CAMKK2: variants seen among roughly 807,000 people sequenced by gnomAD.
CAMKK2 encodes calcium/calmodulin-dependent protein kinase kinase 2.
In CAMKK2, 30 loss-of-function variants were observed where a neutral mutation model predicts 67.2. The ratio of observed to expected loss-of-function variants is 0.45; its 90% CI spans 0.33 to 0.61. CAMKK2 has a LOEUF of 0.61. Ranked by LOEUF, CAMKK2 falls within the 20% of genes least tolerant of loss-of-function variation. CAMKK2 has a pLI of 0.02. For missense variants in CAMKK2, 643 were observed against 802.0 expected, an observed-to-expected ratio of 0.80 and a Z score of 2.39; for synonymous variants, 322 against 326.2, an observed-to-expected ratio of 0.99 and a Z score of 0.14.
intron 6 of CAMKK2, among the ~76,000 whole-genome samples, chr12:121,262,901 T>A (rs933744666): frequency 6.6e-6 from 1 of 152,174 alleles, no homozygotes; most frequent in Non-Finnish European, 1.5e-5. Context: ...TTCTCAGTTT[T>A]AAATTATAAT....
At position 121,253,374 on chromosome 12, in the gene CAMKK2, C is replaced by T; in HGVS notation, c.1006G>A (p.Glu336Lys). The change falls in exon 10 of 17, where the codon GAA becomes AAA. Residue 336 changes from glutamate to lysine, a missense_variant. Physicochemically the swap from Glu to Lys is moderately conservative, Grantham distance 56. Transcript: ENST00000404169. This position sits in a 1 kb window ranked among gnomAD's most constrained non-coding sequence, Gnocchi z 5.0. Reference sequence around the variant, plus strand: ...AGGAGCGCGTCACTGCCCTTGAATTCATTGCTCACACCAAAGTCAGCGATC... The same window carrying T: ...AGGAGCGCGTCACTGCCCTTGAATTTATTGCTCACACCAAAGTCAGCGATC... ...IKIADFGVSN[E>K]FKGSDALLSN... is the part of the protein sequence containing the mutation. 2 of 1,614,164 alleles carry T rather than the reference C, an allele frequency of 1.2e-6. No individual in the cohort carries two copies. Among genetic ancestry groups the T allele is most frequent in the Non-Finnish European group, 1.7e-6 (2 of 1,180,040 alleles).
intron 16 of CAMKK2, among the ~76,000 whole-genome samples, chr12:121,242,977 C>T (rs1281345339): frequency 1.3e-5 from 2 of 151,922 alleles, no homozygotes; most frequent in Non-Finnish European, 2.9e-5. Flanking sequence ...CTCCTGACCT[C>T]GTCATTCGCC....
intron 7 of CAMKK2, among the ~76,000 whole-genome samples, chr12:121,257,966 G>A (rs1892680705): frequency 6.6e-6 from 1 of 152,082 alleles, no homozygotes; most frequent in African/African-American, 2.4e-5. Context: ...CCACTTTTGG[G>A]GCTGAGCAGT....
intron 1 of CAMKK2, among the ~76,000 whole-genome samples, chr12:121,289,833 C>T (rs1388708292): frequency 6.9e-6 from 1 of 143,944 alleles, no homozygotes; most frequent in African/African-American, 2.6e-5. Flanking sequence ...GCAGAGGTTG[C>T]GGTGAGCTGA....
At chr12:121,243,590 G>C (rs1566030143) in intron 16 of CAMKK2, 1 of 155,266 alleles carries the variant, frequency 6.4e-6, no homozygotes, top group African/African-American at 2.4e-5. Flanking sequence ...AGGCCACGTA[G>C]TGTATGACGC....
chr12:121,297,549 C>G (rs199714883), upstream of CAMKK2: 534 of 510,838 alleles, frequency 1.0e-3, 3 homozygotes, highest in South Asian at 2.4e-3. Context: ...TTTGCTGGAG[C>G]CTTAAGTGTG....
In CAMKK2 at chr12:121,245,129, C is replaced by T; in HGVS notation, c.1553+11G>A. 3.8e-6 allele frequency: 6 copies of T among 1,570,310 alleles called. No homozygotes were observed. The highest frequency in any genetic ancestry group is 4.3e-6 in the Non-Finnish European group (5 of 1,152,488). On this transcript the variant is annotated intron_variant, in intron 15 of 16. Coordinates refer to ENST00000404169, the MANE Select transcript of CAMKK2 (RefSeq NM_001270485.2). The surrounding 1 kb of genome is among the most constrained non-coding windows in gnomAD (Gnocchi z 5.8). ...CCACTCCCCCACCCAAGAAGGCAGG[C>T]GGCCACTCACGTGAGCAAGTTTCCA...
chr12:121,242,410 G>A (rs1452885600), intron 16 of CAMKK2, among the ~76,000 whole-genome samples: 1 of 152,144 alleles, frequency 6.6e-6, no homozygotes, highest in Non-Finnish European at 1.5e-5. Flanking sequence ...GACTTGCTCA[G>A]AGACAGGAGG....
At position 121,274,184 on chromosome 12, in the gene CAMKK2, G is replaced by C; in HGVS notation, c.343C>G (p.Leu115Val). The change falls in exon 2 of 17, where the codon CTG becomes GTG. Residue 115 changes from leucine (L) to valine (V), a missense_variant. Leu to Val is a conservative substitution (Grantham distance 32). Transcript: ENST00000404169. Reference sequence around the variant, plus strand: ...CAGATGCAGCGTCCGTTCATGTCCAGGCTGCCACCGGCTGCCAGCCCACCC... The same window carrying C: ...CAGATGCAGCGTCCGTTCATGTCCACGCTGCCACCGGCTGCCAGCCCACCC... ...SQGGLAAGGS[L>V]DMNGRCICPS... 6.2e-7 allele frequency: 1 copy of C among 1,600,096 alleles called. No homozygotes were observed. The highest frequency in any genetic ancestry group is 8.5e-7 in the Non-Finnish European group (1 of 1,171,606).
At chr12:121,243,806 A>C in intron 16 of CAMKK2, 1 of 1,093,176 alleles carries the variant, frequency 9.1e-7, no homozygotes, top group Non-Finnish European at 1.2e-6. Flanking sequence ...ATTACATGGT[A>C]TGTGAATTGT....
chr12:121,264,776 A>AAATAATAATAAT lies in CAMKK2; in HGVS notation c.626-849_626-838dup, dbSNP rs57906202. ...GTGACACAGCAAGACTCAGTCTCAA[A>AAATAATAATAAT]AATAATAATAATAATAATAATAATA... is the stretch of plus-strand genomic sequence containing the variant. On this transcript the variant is annotated intron_variant, in intron 5 of 16. Transcript: ENST00000404169. Among the ~76,000 whole-genome samples the AAATAATAATAAT allele has an allele frequency of 9.8e-3, 1,369 of 139,944 alleles. 13 individuals carry two copies. The highest frequency in any genetic ancestry group is 0.04 in the Middle Eastern group (11 of 276). The allele number at this position is 139,944 out of a possible 152,430, so 91.8% of individuals were successfully genotyped here.
Position 121,253,725 on chromosome 12 carries a change from A to G in CAMKK2, c.908-253T>C, listed in dbSNP as rs1159033456. Reference sequence around the variant, plus strand: ...CACCCCTTCTCAACAATGACACATAAAACACTGCCAATAGCAATTCGTAAT... The same window carrying G: ...CACCCCTTCTCAACAATGACACATAGAACACTGCCAATAGCAATTCGTAAT... On this transcript the variant is annotated intron_variant, in intron 9 of 16. Transcript: ENST00000404169. The surrounding 1 kb of genome is among the most constrained non-coding windows in gnomAD (Gnocchi z 5.0). Among the ~76,000 whole-genome samples, 2 of 152,214 alleles carry G rather than the reference A, an allele frequency of 1.3e-5. No homozygotes were observed. Among genetic ancestry groups the G allele is most frequent in the Non-Finnish European group, 1.5e-5 (1 of 68,040 alleles).
Position 121,253,599 on chromosome 12 carries a change from G to T in CAMKK2, c.908-127C>A. ...GATGCCTTGTCTCCCACAGCCCCAGGCCTTTTCCAACCTTCCACTCCCCAA... is the reference window on the plus strand; with the variant it reads ...GATGCCTTGTCTCCCACAGCCCCAGTCCTTTTCCAACCTTCCACTCCCCAA... On this transcript the variant is annotated intron_variant, in intron 9 of 16. Transcript: ENST00000404169. This position sits in a 1 kb window ranked among gnomAD's most constrained non-coding sequence, Gnocchi z 5.0. 1 of 792,594 alleles carries T rather than the reference G, an allele frequency of 1.3e-6. No individual in the cohort carries two copies. The highest frequency in any genetic ancestry group is 2.1e-6 in the Non-Finnish European group (1 of 472,818). 49.1% of individuals were successfully genotyped at this position (792,594 alleles called of 1,614,324 possible). A position where few individuals can be genotyped will look rare whatever the true frequency, so the allele number is the denominator to read the frequency against.
chr12:121,278,685 T>C (rs1897224241), intron 1 of CAMKK2, among the ~76,000 whole-genome samples: 1 of 152,248 alleles, frequency 6.6e-6, no homozygotes, highest in Admixed American at 6.5e-5. Context: ...TTGCTCCTCC[T>C]TGACTTCCGC....
chr12:121,295,200 A>G (rs572688510), intron 1 of CAMKK2, among the ~76,000 whole-genome samples: 22 of 152,236 alleles, frequency 1.4e-4, no homozygotes, highest in African/African-American at 5.3e-4. Context: ...TTATTATCCA[A>G]GTTAGGGGCT....
intron 7 of CAMKK2, among the ~76,000 whole-genome samples, chr12:121,256,304 G>A (rs895199406): frequency 6.6e-6 from 1 of 152,162 alleles, no homozygotes; most frequent in East Asian, 1.9e-4. Context: ...ACTTGAACCT[G>A]GACAGCGGAG....
At chr12:121,279,504 G>A (rs981412497) in intron 1 of CAMKK2, among the ~76,000 whole-genome samples, 7 of 152,184 alleles carry the variant, frequency 4.6e-5, no homozygotes, top group African/African-American at 1.2e-4. Flanking sequence ...AAACAGCAAC[G>A]GCTAACATTC....
chr12:121,256,389 T>G lies in CAMKK2; in HGVS notation c.797-585A>C, dbSNP rs1487424990. On this transcript the variant is annotated intron_variant, in intron 7 of 16. Transcript: ENST00000404169. ...GCAAGAATGTCCCAAAAAAAAAATT[T>G]CTTTGAGATGAAATTTACGTAACAT... Among the ~76,000 whole-genome samples the G allele has an allele frequency of 2.0e-5, 3 of 152,070 alleles. No homozygotes were observed. In the South Asian group the frequency reaches 6.2e-4, roughly 32 times the overall value.
At chr12:121,286,859 A>G (rs887302433) in intron 1 of CAMKK2, among the ~76,000 whole-genome samples, 1 of 152,000 alleles carries the variant, frequency 6.6e-6, no homozygotes, top group Admixed American at 6.6e-5. Context: ...CCAAGAAAGA[A>G]CTTTGGCAGT....
Sources: allele counts gnomAD v4.1 joint callset (sites outside exome capture counted in the v4.1 genomes callset), GRCh38; gene constraint gnomAD v4.1.1; non-coding constraint Gnocchi (gnomAD v3.1); transcripts MANE v1.5; gene names NCBI Gene and HGNC (gene_info 2026-07-23, HGNC 2026-07-21).